HBS1L: variants seen among roughly 807,000 people sequenced by gnomAD.
HBS1L encodes HBS1-like protein.
In HBS1L, 55 loss-of-function variants were observed where a neutral mutation model predicts 88.9. That is an observed-to-expected ratio of 0.62 (90% CI 0.50 to 0.77). The LOEUF (loss-of-function observed/expected upper bound fraction) is 0.77, where lower values mean the gene tolerates loss of function less well. Among genes scored for constraint, HBS1L ranks in the 30% least tolerant of loss-of-function variants. The pLI, the probability that HBS1L is intolerant of heterozygous loss-of-function variation, is 0.00. For synonymous variants in HBS1L, 267 were observed against 288.5 expected, an observed-to-expected ratio of 0.93 and a Z score of 0.76; for missense variants, 741 against 829.3, an observed-to-expected ratio of 0.89 and a Z score of 1.31.
Position 134,964,822 on chromosome 6 carries a change from G to GAAA in HBS1L, c.*454_*456dup, listed in dbSNP as rs57393645. The GAAA allele has an allele frequency of 1.4e-4, 12 of 84,396 alleles. No homozygotes were observed. The highest frequency in any genetic ancestry group is 2.1e-4 in the Non-Finnish European group (9 of 42,452). 5.2% of individuals were successfully genotyped at this position (84,396 alleles called of 1,614,324 possible). A position where few individuals can be genotyped will look rare whatever the true frequency, so the allele number is the denominator to read the frequency against. On this transcript the variant is annotated 3_prime_UTR_variant, in exon 18 of 18. Transcript: ENST00000367837. ...CCAAATCTTTTCTTAGCATTAACTG[G>GAAA]AAAAAAAAAAAAAAAAAAAGCTTAG...
intron 4 of HBS1L, chr6:135,037,201 G>A: frequency 6.4e-7 from 1 of 1,551,772 alleles, no homozygotes; most frequent in Non-Finnish European, 8.7e-7. Context: ...ACAGCGATTT[G>A]CTAATTGTGA....
chr6:135,022,803 T>C (rs1295215848), intron 4 of HBS1L, among the ~76,000 whole-genome samples: 2 of 152,098 alleles, frequency 1.3e-5, no homozygotes, highest in South Asian at 2.1e-4. Context: ...GAAAAGTTCA[T>C]ATAGATTTAG....
At chr6:134,978,364 GAAGT>G (rs1161979058) in intron 15 of HBS1L, among the ~76,000 whole-genome samples, 2 of 151,998 alleles carry the variant, frequency 1.3e-5, no homozygotes, top group East Asian at 1.9e-4. Flanking sequence ...GAAAAACTTA[GAAGT>G]AAGTAAACTT....
chr6:134,987,603 T>G, intron 9 of HBS1L, 42 bp downstream of exon 9: 2 of 1,499,368 alleles, frequency 1.3e-6, no homozygotes, highest in South Asian at 1.3e-5. Context: ...AATAACATCT[T>G]AATTAGCATC....
chr6:135,050,421 C>T (rs895985610), intron 2 of HBS1L, among the ~76,000 whole-genome samples, 161 bp downstream of exon 2: 1 of 152,128 alleles, frequency 6.6e-6, no homozygotes, highest in Non-Finnish European at 1.5e-5. Context: ...ATTCTACTCA[C>T]AGGAAAAGAA....
rs1774222321 is a variant in HBS1L, at chr6:134,963,092, A to AT, written c.*2186dup. On this transcript the variant is annotated 3_prime_UTR_variant, in exon 18 of 18. Coordinates refer to ENST00000367837, the MANE Select transcript of HBS1L (RefSeq NM_006620.4). ...ATTCTTAATTCGATCACAGTCTTAT[A>AT]TAATATACAGAGTGGATGGTTTCTT... is the stretch of plus-strand genomic sequence containing the variant. 6.6e-6 allele frequency: 1 copy of AT among 152,212 alleles called. No individual in the cohort carries two copies. The highest frequency in any genetic ancestry group is 1.5e-5 in the Non-Finnish European group (1 of 68,042). 9.4% of individuals were successfully genotyped at this position (152,212 alleles called of 1,614,324 possible).
intron 15 of HBS1L, among the ~76,000 whole-genome samples, chr6:134,972,932 A>C (rs796557053): frequency 2.6e-5 from 4 of 152,298 alleles, no homozygotes; most frequent in African/African-American, 9.6e-5. Flanking sequence ...CTACTAGAAA[A>C]CTTGTTATTT....
At chr6:135,027,391 A>G (rs762944183) in intron 4 of HBS1L, among the ~76,000 whole-genome samples, 1 of 152,138 alleles carries the variant, frequency 6.6e-6, no homozygotes, top group East Asian at 1.9e-4. Context: ...AATCATAACA[A>G]AAATAACAAA....
chr6:134,975,283 A>G (rs1184769555), intron 15 of HBS1L, among the ~76,000 whole-genome samples: 1 of 152,206 alleles, frequency 6.6e-6, no homozygotes, highest in Non-Finnish European at 1.5e-5. Flanking sequence ...GAACAGAGAT[A>G]CATCCCATGC....
chr6:134,985,500 A>G lies in HBS1L; in HGVS notation c.1424-91T>C. The G allele has an allele frequency of 6.9e-6, 5 of 724,228 alleles. No homozygotes were observed. The South Asian group carries it at 1.0e-4, about 15-fold the overall frequency. The allele number at this position is 724,228 out of a possible 1,614,324, so 44.9% of individuals were successfully genotyped here. A position where few individuals can be genotyped will look rare whatever the true frequency, so the allele number is the denominator to read the frequency against. On this transcript the variant is annotated intron_variant, in intron 11 of 17. Transcript: ENST00000367837. ...AACTCATTATAATCCCACTTCTCCTAGAAAATAACTACTTTTTATAATTAC... is the reference window on the plus strand; with the variant it reads ...AACTCATTATAATCCCACTTCTCCTGGAAAATAACTACTTTTTATAATTAC...
At position 134,969,174 on chromosome 6, in the gene HBS1L, T is replaced by C. The variant is rs978674606; in HGVS notation, c.1898+64A>G. 2.9e-5 allele frequency: 30 copies of C among 1,022,910 alleles called. No individual in the cohort carries two copies. In the Admixed American group the frequency reaches 5.2e-4, roughly 18 times the overall value. The allele number at this position is 1,022,910 out of a possible 1,614,324, so 63.4% of individuals were successfully genotyped here. A position where few individuals can be genotyped will look rare whatever the true frequency, so the allele number is the denominator to read the frequency against. On this transcript the variant is annotated intron_variant, in intron 16 of 17. Coordinates refer to ENST00000367837, the MANE Select transcript of HBS1L (RefSeq NM_006620.4). ...ACCACAAAGAGAAATACTACACAAA[T>C]GAGTTAATCTTTAAAAAATTGGCTT...
chr6:134,994,728 C>A (rs1775244134), intron 7 of HBS1L, among the ~76,000 whole-genome samples: 1 of 152,012 alleles, frequency 6.6e-6, no homozygotes, highest in Non-Finnish European at 1.5e-5. Flanking sequence ...TGTCAGCACT[C>A]AAAAAGTTTC....
chr6:134,983,759 G>A (rs145145599), intron 12 of HBS1L, among the ~76,000 whole-genome samples: 26 of 152,256 alleles, frequency 1.7e-4, no homozygotes, highest in African/African-American at 6.0e-4. Flanking sequence ...ACTCATGGAT[G>A]TCAGTTCAAA....
intron 4 of HBS1L, among the ~76,000 whole-genome samples, chr6:135,031,062 T>G (rs1201393851): frequency 6.6e-6 from 1 of 152,122 alleles, no homozygotes; most frequent in Non-Finnish European, 1.5e-5. Flanking sequence ...TTGTACTTTT[T>G]GTTGGTAATT....
intron 15 of HBS1L, among the ~76,000 whole-genome samples, chr6:134,972,691 G>A (rs79373180): frequency 6.6e-6 from 1 of 152,280 alleles, no homozygotes; most frequent in African/African-American, 2.4e-5. Flanking sequence ...TGCAAATCAT[G>A]TATGTAATAA....
chr6:134,993,258 G>T (rs1775195743), intron 8 of HBS1L, among the ~76,000 whole-genome samples: 2 of 151,990 alleles, frequency 1.3e-5, no homozygotes, highest in Non-Finnish European at 2.9e-5. Context: ...AATTATATTT[G>T]ATTTTTTGCA....
Position 134,979,200 on chromosome 6 carries a change from C to G in HBS1L, c.1666G>C (p.Gly556Arg), listed in dbSNP as rs1264800753. The G allele has an allele frequency of 1.2e-6, 2 of 1,611,610 alleles. No homozygotes were observed. Among genetic ancestry groups the G allele is most frequent in the South Asian group, 2.2e-5 (2 of 90,990 alleles). Residue 556 changes from glycine (G) to arginine (R), a missense_variant, in exon 14 of 18, where the codon GGG (glycine) becomes CGG (arginine). Physicochemically the swap from Gly to Arg is moderately radical, Grantham distance 125. Around this residue, in one of 3 missense-constraint regions of HBS1L, gnomAD observed 181 missense variants for 212.7 expected, o/e 0.85. Transcript: ENST00000367837. ...AGDHVSLTLV[G>R]MDIIKINVGC... Reference sequence around the variant, plus strand: ...CACTTGATTTTGATGATATCCATCCCAACCAAAGTAAGACTAACATGATCG... The same window carrying G: ...CACTTGATTTTGATGATATCCATCCGAACCAAAGTAAGACTAACATGATCG...
chr6:134,993,246 C>T (rs1030717766), intron 8 of HBS1L, among the ~76,000 whole-genome samples: 1 of 152,082 alleles, frequency 6.6e-6, no homozygotes, highest in Non-Finnish European at 1.5e-5. Flanking sequence ...TGTATGAATG[C>T]AAATTATATT....
In HBS1L at chr6:134,963,274, T is replaced by G. The variant is rs761272566; in HGVS notation, c.*2005A>C. 5.9e-5 allele frequency: 9 copies of G among 152,156 alleles called. No homozygotes were observed. The highest frequency in any genetic ancestry group is 1.2e-4 in the Non-Finnish European group (8 of 68,020). The allele number at this position is 152,156 out of a possible 1,614,324, so 9.4% of individuals were successfully genotyped here. On this transcript the variant is annotated 3_prime_UTR_variant, in exon 18 of 18. Transcript: ENST00000367837. ...CTAGGGAAGTATTAATAAATAAAAT[T>G]CAATCATAGTCAATGATGAGATGTT... is the stretch of plus-strand genomic sequence containing the variant.
Sources: allele counts gnomAD v4.1 joint callset (sites outside exome capture counted in the v4.1 genomes callset), GRCh38; gene constraint gnomAD v4.1.1; regional missense constraint gnomAD v4.1.1; transcripts MANE v1.5; gene names NCBI Gene and HGNC (gene_info 2026-07-23, HGNC 2026-07-21).